Variants in RFX2 observed in about 807,000 individuals in gnomAD.
RFX2 encodes the protein regulatory factor X2.
In RFX2, 20 loss-of-function variants were observed where a neutral mutation model predicts 87.8. The observed-to-expected ratio is 0.23, with a 90% CI of 0.16 to 0.33. The LOEUF is 0.33. Among genes scored for constraint, RFX2 ranks in the 10% least tolerant of loss-of-function variants. RFX2 has a pLI of 1.00. For missense variants in RFX2, 767 were observed against 1,012.3 expected (o/e 0.76, Z 3.29); for synonymous variants, 397 against 431.3 (o/e 0.92, Z 0.98).
Position 6,044,033 on chromosome 19 carries a change from T to A in RFX2, c.180+160A>T, listed in dbSNP as rs77619851. Among the ~76,000 whole-genome samples, 3,471 of 152,298 alleles carry A rather than the reference T, an allele frequency of 0.023. 137 individuals are homozygous for A. Among genetic ancestry groups the A allele is most frequent in the African/African-American group, 0.079 (3,302 of 41,548 alleles). On this transcript the variant is annotated intron_variant, in intron 3 of 17. Coordinates refer to ENST00000303657, the MANE Select transcript of RFX2 (RefSeq NM_000635.4). This position sits in a 1 kb window ranked among gnomAD's most constrained non-coding sequence, Gnocchi z 5.3. ...AACTATCTGCAGTAAATGATTTTTT[T>A]AAAATTGCACAGCTTCTGGAAAAGT...
intron 5 of RFX2, among the ~76,000 whole-genome samples, chr19:6,029,313 C>T (rs1477796321): frequency 6.6e-6 from 1 of 150,704 alleles, no homozygotes; most frequent in African/African-American, 2.4e-5. Flanking sequence ...AGGACTATCT[C>T]TGAGAAAATC....
Position 5,995,593 on chromosome 19 carries a change from G to A in RFX2, c.2056+8C>T, listed in dbSNP as rs1488227341. 8 of 1,551,844 alleles carry A rather than the reference G, an allele frequency of 5.2e-6. No homozygotes were observed. The highest frequency in any genetic ancestry group is 1.2e-5 in the South Asian group (1 of 84,084). ...GGGTCGTGGTGGGAAAGCCGCAGAC[G>A]CACCTACCTTTGTCGAGCAGCGTCA... On this transcript the variant is annotated splice_region_variant and intron_variant, in intron 17 of 17. Transcript: ENST00000303657.
rs549578587 is a variant in RFX2 at position 6,062,293 on chromosome 19, G to T, written c.-8-14789C>A. Among the ~76,000 whole-genome samples, 529 of 152,330 alleles carry T rather than the reference G, an allele frequency of 3.5e-3. 2 individuals carry two copies. The highest frequency in any genetic ancestry group is 0.012 in the African/African-American group (495 of 41,568). On this transcript the variant is annotated intron_variant, in intron 1 of 17. Transcript: ENST00000303657. ...TGGTGGCCAGACCGAGCCCCAGACT[G>T]CGGGCAAAGCTGGTATACGTGGGGG...
At chr19:6,059,000 G>T (rs2087389029) in intron 1 of RFX2, among the ~76,000 whole-genome samples, 1 of 150,298 alleles carries the variant, frequency 6.7e-6, no homozygotes, top group African/African-American at 2.5e-5. Context: ...TTTTTTTTCA[G>T]ACAGAGTCTT....
Position 6,002,020 on chromosome 19 carries a change from G to A in RFX2, c.1654C>T (p.Gln552Ter). ...NRVDFANVQE[Q>*]ASWVCQCEES... is the part of the protein sequence containing the mutation. ...TCGCACTGGCACACCCACGAGGCCT[G>A]CTCCTGTGGGCAGGGCAGAGGCCAG... Residue 552 changes from glutamine (Q) to a stop codon, truncating the protein, a stop_gained, in exon 15 of 18, where the codon CAG becomes TAG. Transcript: ENST00000303657. LOFTEE classifies it high-confidence loss of function. The surrounding 1 kb of genome is among the most constrained non-coding windows in gnomAD (Gnocchi z 6.7). 1 of 1,604,132 alleles carries A rather than the reference G, an allele frequency of 6.2e-7. No homozygotes were observed. The highest frequency in any genetic ancestry group is 8.5e-7 in the Non-Finnish European group (1 of 1,176,542).
At chr19:6,098,902 TGA>T (rs1225569619) in intron 1 of RFX2, among the ~76,000 whole-genome samples, 1 of 144,174 alleles carries the variant, frequency 6.9e-6, no homozygotes, top group Non-Finnish European at 1.5e-5. Flanking sequence ...GGCCCAGGGC[TGA>T]CTTTTTGGGG....
intron 1 of RFX2, among the ~76,000 whole-genome samples, chr19:6,107,884 A>C (rs954817854): frequency 6.6e-6 from 1 of 152,190 alleles, no homozygotes; most frequent in South Asian, 2.1e-4. Context: ...CATACACATT[A>C]TATTATATTG....
intron 1 of RFX2, among the ~76,000 whole-genome samples, chr19:6,091,920 G>A (rs775947223): frequency 6.6e-6 from 1 of 152,218 alleles, no homozygotes. Flanking sequence ...CAGTTTGGGA[G>A]TCAGAGAATT....
rs111611434 is a variant in RFX2, at chr19:6,047,340, C to T, written c.90+67G>A. On this transcript the variant is annotated intron_variant, in intron 2 of 17. Transcript: ENST00000303657. This position sits in a 1 kb window ranked among gnomAD's most constrained non-coding sequence, Gnocchi z 4.2. ...TTCCTCTCTTTGCAGATCTGAGCAGCTTTCAAACCCATAGAGATCGCGTCC... is the reference window on the plus strand; with the variant it reads ...TTCCTCTCTTTGCAGATCTGAGCAGTTTTCAAACCCATAGAGATCGCGTCC... 1,070 of 1,281,316 alleles carry T rather than the reference C, an allele frequency of 8.4e-4. 16 individuals carry two copies. The South Asian group carries it at 0.011, about 13-fold the overall frequency. The allele number at this position is 1,281,316 out of a possible 1,614,324, so 79.4% of individuals were successfully genotyped here.
At position 6,074,702 on chromosome 19, in the gene RFX2, T is replaced by G. The variant is rs58851768; in HGVS notation, c.-8-27198A>C. On this transcript the variant is annotated intron_variant, in intron 1 of 17. Coordinates refer to ENST00000303657, the MANE Select transcript of RFX2 (RefSeq NM_000635.4). This position sits in a 1 kb window ranked among gnomAD's most constrained non-coding sequence, Gnocchi z 5.2. ...TCAAATGCACAAGTGGAGTGCGGCA[T>G]GGGCCAGGGGCAACAAGGTGACCTG... Among the ~76,000 whole-genome samples, 734 of 152,090 alleles carry G rather than the reference T, an allele frequency of 4.8e-3. 9 individuals carry two copies. The highest frequency in any genetic ancestry group is 0.017 in the African/African-American group (701 of 41,438).
chr19:6,007,620 G>T lies in RFX2; in HGVS notation c.1247+70C>A. 1.1e-6 allele frequency: 1 copy of T among 881,156 alleles called. No homozygotes were observed. The highest frequency in any genetic ancestry group is 1.8e-6 in the Non-Finnish European group (1 of 541,004). 54.6% of individuals were successfully genotyped at this position (881,156 alleles called of 1,614,324 possible). A position where few individuals can be genotyped will look rare whatever the true frequency, so the allele number is the denominator to read the frequency against. On this transcript the variant is annotated intron_variant, in intron 11 of 17. Coordinates refer to ENST00000303657, the MANE Select transcript of RFX2 (RefSeq NM_000635.4). This position sits in a 1 kb window ranked among gnomAD's most constrained non-coding sequence, Gnocchi z 8.2. ...GGAGAGCTGAGGCTTTCGTTTGTGG[G>T]TTACCTGTGGACGTCAGCAGGGGGT...
chr19:6,071,994 G>A (rs932133673), intron 1 of RFX2: 1 of 152,156 alleles, frequency 6.6e-6, no homozygotes, highest in African/African-American at 2.4e-5. Flanking sequence ...TGAAAGCAGC[G>A]AGCAACTCAC....
intron 1 of RFX2, among the ~76,000 whole-genome samples, chr19:6,082,443 T>C (rs1232388766): frequency 1.3e-5 from 2 of 152,124 alleles, no homozygotes; most frequent in Admixed American, 1.3e-4. Flanking sequence ...AGTTTTCTTT[T>C]TTTCTTTGAG....
At chr19:6,046,513 C>T (rs1024011516) in intron 2 of RFX2, among the ~76,000 whole-genome samples, 3 of 149,068 alleles carry the variant, frequency 2.0e-5, no homozygotes, top group African/African-American at 2.5e-5. Flanking sequence ...CCTGGGAGAT[C>T]GTGCCACTGC....
At chr19:6,067,478 C>G (rs2087531015) in intron 1 of RFX2, among the ~76,000 whole-genome samples, 1 of 152,178 alleles carries the variant, frequency 6.6e-6, no homozygotes. Context: ...CAGGCCACAT[C>G]AGATGCCCCC....
chr19:5,996,885 G>A (rs2086419910), intron 16 of RFX2, among the ~76,000 whole-genome samples, 175 bp downstream of exon 16: 1 of 152,240 alleles, frequency 6.6e-6, no homozygotes, highest in African/African-American at 2.4e-5. Flanking sequence ...ACACTGCTGT[G>A]TCCTGGCACG....
intron 1 of RFX2, chr19:6,057,250 G>A (rs1388514596): frequency 6.6e-6 from 1 of 152,250 alleles, no homozygotes; most frequent in Non-Finnish European, 1.5e-5. Context: ...GCACAGGAGA[G>A]ACGCAGCTAG....
Position 6,022,305 on chromosome 19 carries a change from G to A in RFX2, c.597+3858C>T, listed in dbSNP as rs1455462722. Among the ~76,000 whole-genome samples, 6 of 152,308 alleles carry A rather than the reference G, an allele frequency of 3.9e-5. No homozygotes were observed. The highest frequency in any genetic ancestry group is 1.4e-4 in the African/African-American group (6 of 41,562). On this transcript the variant is annotated intron_variant, in intron 6 of 17. Coordinates refer to ENST00000303657, the MANE Select transcript of RFX2 (RefSeq NM_000635.4). This position sits in a 1 kb window ranked among gnomAD's most constrained non-coding sequence, Gnocchi z 6.2. ...TGGCCTGCAGGACAGCACGGCCATCGTGCCAGGCTACACAGGTCACCAGCT... is the reference window on the plus strand; with the variant it reads ...TGGCCTGCAGGACAGCACGGCCATCATGCCAGGCTACACAGGTCACCAGCT...
At chr19:6,086,971 A>G (rs918953222) in intron 1 of RFX2, among the ~76,000 whole-genome samples, 2 of 151,646 alleles carry the variant, frequency 1.3e-5, no homozygotes, top group Admixed American at 1.3e-4. Flanking sequence ...AAGATTAAAA[A>G]CCACTGGGCT....
Sources: gnomAD v4.1 joint callset for allele counts (sites outside exome capture counted in the v4.1 genomes callset) on GRCh38, gnomAD v4.1.1 for gene constraint, Gnocchi (gnomAD v3.1) non-coding constraint, MANE v1.5 for transcripts, NCBI Gene and HGNC (gene_info 2026-07-23, HGNC 2026-07-21) for gene names.